TNRC6A: variants seen among roughly 807,000 people sequenced by gnomAD.
TNRC6A encodes trinucleotide repeat-containing gene 6A protein.
Under a neutral mutation model 221.2 loss-of-function variants are expected in TNRC6A, and 44 were observed. That is an observed-to-expected ratio of 0.20 (90% CI 0.16 to 0.26). TNRC6A has a LOEUF of 0.26. Among genes scored for constraint, TNRC6A ranks in the 10% least tolerant of loss-of-function variants. TNRC6A has a pLI of 1.00. For missense variants in TNRC6A, 2,199 were observed against 2,404.4 expected (o/e 0.91, Z 1.79); for synonymous variants, 847 against 838.5 (o/e 1.01, Z -0.18).
intron 2 of TNRC6A, chr16:24,641,036 G>A (rs1287761711): frequency 1.1e-4 from 17 of 152,236 alleles, no homozygotes; most frequent in Admixed American, 1.0e-3. Flanking sequence ...TGGGGGCCAT[G>A]GGTCAGTCCA....
intron 2 of TNRC6A, among the ~76,000 whole-genome samples, chr16:24,706,094 G>A (rs371946978): frequency 6.6e-6 from 1 of 152,034 alleles, no homozygotes; most frequent in East Asian, 1.9e-4. Context: ...TAGCACCAAC[G>A]CTCACACTTA....
chr16:24,711,952 T>C (rs1380286351), intron 2 of TNRC6A, among the ~76,000 whole-genome samples: 1 of 151,378 alleles, frequency 6.6e-6, no homozygotes, highest in Non-Finnish European at 1.5e-5. Flanking sequence ...TGAGCTGCTA[T>C]GCCTGGCTTC....
chr16:24,657,580 G>A (rs749429603), intron 2 of TNRC6A, among the ~76,000 whole-genome samples: 11 of 151,770 alleles, frequency 7.2e-5, no homozygotes, highest in Non-Finnish European at 1.5e-4. Context: ...ATGATGGCAC[G>A]CACCTGTAAT....
At chr16:24,685,577 G>T (rs1163346808) in intron 2 of TNRC6A, among the ~76,000 whole-genome samples, 7 of 152,126 alleles carry the variant, frequency 4.6e-5, no homozygotes, top group Admixed American at 2.0e-4. Context: ...GGACTCAAGC[G>T]ATCTGCCTGC....
chr16:24,802,532 G>A (rs1325674465), intron 11 of TNRC6A, among the ~76,000 whole-genome samples: 1 of 152,168 alleles, frequency 6.6e-6, no homozygotes, highest in Admixed American at 6.5e-5. Context: ...CTGGGCAGCA[G>A]AGCCAGACAC....
intron 22 of TNRC6A, among the ~76,000 whole-genome samples, chr16:24,820,833 A>G (rs886539556): frequency 6.6e-6 from 1 of 152,192 alleles, no homozygotes; most frequent in Non-Finnish European, 1.5e-5. Context: ...GCCTTTCCTC[A>G]TTCTATAATG....
At chr16:24,620,007 T>C (rs1900580513) in intron 1 of TNRC6A, among the ~76,000 whole-genome samples, 1 of 152,072 alleles carries the variant, frequency 6.6e-6, no homozygotes, top group African/African-American at 2.4e-5. Context: ...CCAGGTGTGA[T>C]GGTGCATACC....
In TNRC6A at chr16:24,816,954, G is replaced by A. The variant is rs561609173; in HGVS notation, c.4970G>A (p.Ser1657Asn). The change falls in exon 20 of 25, where the codon AGT (serine) becomes AAT (asparagine). Residue 1657 changes from serine (S) to asparagine (N), a missense_variant and splice_region_variant. Physicochemically the swap from Ser to Asn is conservative, Grantham distance 46. Coordinates refer to ENST00000395799, the MANE Select transcript of TNRC6A (RefSeq NM_014494.4). ...REVDHLRDRN[S>N]GSSSSLNTTL... ...GTTGACCACCTCAGGGACAGGAACAGTGGTACGTAGGGGGTGCAAATCAAT... is the reference window on the plus strand; with the variant it reads ...GTTGACCACCTCAGGGACAGGAACAATGGTACGTAGGGGGTGCAAATCAAT... The A allele has an allele frequency of 3.1e-6, 5 of 1,612,574 alleles. No individual in the cohort carries two copies. The East Asian group carries it at 1.1e-4, about 36-fold the overall frequency.
chr16:24,749,725 G>A (rs181042823), intron 2 of TNRC6A, among the ~76,000 whole-genome samples: 284 of 152,264 alleles, frequency 1.9e-3, no homozygotes, highest in Admixed American at 3.7e-3. Flanking sequence ...TTCCTGAAAG[G>A]TAATAACCTG....
rs146712355 is a variant in TNRC6A, at chr16:24,749,199, G to A, written c.54-1527G>A. Among the ~76,000 whole-genome samples the A allele has an allele frequency of 5.0e-3, 768 of 152,296 alleles. 7 individuals are homozygous for A. The highest frequency in any genetic ancestry group is 0.01 in the Middle Eastern group (3 of 294). ...TTTAGGGTGATGACTACAGGTAGCC[G>A]GAGTGAGTTTCTTCCGCCTTTGCAA... is the stretch of plus-strand genomic sequence containing the variant. On this transcript the variant is annotated intron_variant, in intron 2 of 24. Coordinates refer to ENST00000395799, the MANE Select transcript of TNRC6A (RefSeq NM_014494.4).
intron 2 of TNRC6A, among the ~76,000 whole-genome samples, chr16:24,714,227 G>A (rs566822042): frequency 2.0e-5 from 3 of 149,616 alleles, no homozygotes; most frequent in East Asian, 2.0e-4. Context: ...TGTCTTCTTC[G>A]CTTTAGATAG....
At chr16:24,796,628 C>T (rs1173728794) in intron 9 of TNRC6A, among the ~76,000 whole-genome samples, 2 of 152,178 alleles carry the variant, frequency 1.3e-5, no homozygotes, top group African/African-American at 2.4e-5. Context: ...AAGCCAACTT[C>T]AGAATCTGCG....
chr16:24,776,026 C>G (rs2057711283), intron 4 of TNRC6A, among the ~76,000 whole-genome samples: 2 of 152,120 alleles, frequency 1.3e-5, no homozygotes. Context: ...GGTGTAGGTA[C>G]TATCTCCATT....
intron 2 of TNRC6A, among the ~76,000 whole-genome samples, chr16:24,734,052 G>A (rs562351431): frequency 1.3e-3 from 200 of 152,238 alleles, no homozygotes; most frequent in Middle Eastern, 3.4e-3. Flanking sequence ...GTGTGCACCT[G>A]TAGTCCCAGC....
intron 2 of TNRC6A, among the ~76,000 whole-genome samples, chr16:24,656,536 T>C (rs2054918128): frequency 6.6e-6 from 1 of 150,776 alleles, no homozygotes; most frequent in South Asian, 2.1e-4. Context: ...ATAGAACATA[T>C]ATTTAAAATG....
chr16:24,777,112 CCG>C lies in TNRC6A; in HGVS notation c.345_346del (p.Gln116AlafsTer19). ...GCAGCAGCCACAGCAGCAGCCACAG[CCG>C]CAGCCGCAGCAGCAGCAGCCACAGC... ...QQQQPQQQPQ[P>X]QPQQQQPQQQ... On this transcript the variant is annotated frameshift_variant, in exon 5 of 25. Coordinates refer to ENST00000395799, the MANE Select transcript of TNRC6A (RefSeq NM_014494.4). LOFTEE classifies it high-confidence loss of function. 1 of 1,091,534 alleles carries C rather than the reference CCG, an allele frequency of 9.2e-7. No homozygotes were observed. Among genetic ancestry groups the C allele is most frequent in the Non-Finnish European group, 1.3e-6 (1 of 769,152 alleles). 67.6% of individuals were successfully genotyped at this position (1,091,534 alleles called of 1,614,324 possible). A position where few individuals can be genotyped will look rare whatever the true frequency, so the allele number is the denominator to read the frequency against.
chr16:24,818,237 CAG>C (rs1321567412), intron 20 of TNRC6A, among the ~76,000 whole-genome samples: 1 of 152,112 alleles, frequency 6.6e-6, no homozygotes, highest in Non-Finnish European at 1.5e-5. Context: ...CACTGGAGCT[CAG>C]GGGCGAGTTA....
rs61228496 is a variant in TNRC6A, at chr16:24,618,642, ATTTTTTTTT to A, written n.276+8176_276+8184del. Among the ~76,000 whole-genome samples, 272 of 88,070 alleles carry A rather than the reference ATTTTTTTTT, an allele frequency of 3.1e-3. 1 individual carries two copies. The highest frequency in any genetic ancestry group is 0.012 in the African/African-American group (260 of 21,978). 57.8% of individuals were successfully genotyped at this position (88,070 alleles called of 152,430 possible). On this transcript the variant is annotated intron_variant and non_coding_transcript_variant, in intron 1 of 2. Coordinates refer to the TNRC6A transcript ENST00000566108. ...ATTCCTTTTACTTTCCATTTCATGA[ATTTTTTTTT>A]TTTTTTTTTTTTTTTTTGAGACAAG... is the stretch of plus-strand genomic sequence containing the variant.
rs1175311691 is a variant in TNRC6A, at chr16:24,778,299, C to G, written c.589+941C>G. 9 of 984,990 alleles carry G rather than the reference C, an allele frequency of 9.1e-6. 1 individual carries two copies. In the Admixed American group the frequency reaches 2.5e-4, roughly 27 times the overall value. 61.0% of individuals were successfully genotyped at this position (984,990 alleles called of 1,614,324 possible). On this transcript the variant is annotated intron_variant, in intron 5 of 24. Transcript: ENST00000395799. The stretch of plus-strand genomic sequence containing the variant: ...CTATACCTGTGCTCTCTTTTATATA[C>G]CAAGAACTACTCTGTACATTGTAAT...
Sources: allele counts gnomAD v4.1 joint callset (sites outside exome capture counted in the v4.1 genomes callset), GRCh38; gene constraint gnomAD v4.1.1; transcripts MANE v1.5; gene names NCBI Gene and HGNC (gene_info 2026-07-23, HGNC 2026-07-21).